EYS: variants seen among roughly 807,000 people sequenced by gnomAD.
EYS encodes protein eyes shut homolog.
In EYS, 250 loss-of-function variants were observed where a neutral mutation model predicts 282.1. The observed-to-expected ratio is 0.89, with a 90% CI of 0.80 to 0.98. The LOEUF (loss-of-function observed/expected upper bound fraction) is 0.98. Ranked by LOEUF, EYS falls within the 50% of genes least tolerant of loss-of-function variation. The pLI is 0.00. For missense variants in EYS, 4,016 were observed against 3,709.0 expected (o/e 1.08, Z -2.15); for synonymous variants, 1,355 against 1,282.9 (o/e 1.06, Z -1.20).
At chr6:64,663,966 G>A in intron 22 of EYS, among the ~76,000 whole-genome samples, 1 of 152,314 alleles carries the variant, frequency 6.6e-6, no homozygotes, top group African/African-American at 2.4e-5. Context: ...GAATAATGGC[G>A]AGCCTCTAGC....
At chr6:64,676,351 T>TATAG (rs1554192088) in intron 22 of EYS, among the ~76,000 whole-genome samples, 9 of 145,460 alleles carry the variant, frequency 6.2e-5, no homozygotes, top group Non-Finnish European at 1.4e-4. Context: ...TATATATATA[T>TATAG]AGAGAGAGAG....
intron 36 of EYS, chr6:63,821,110 T>G (rs1023507743): frequency 6.6e-6 from 1 of 151,860 alleles, no homozygotes; most frequent in South Asian, 2.1e-4. Context: ...TATATAATAT[T>G]ATTAAAGTTT....
intron 33 of EYS, among the ~76,000 whole-genome samples, chr6:64,040,799 G>C (rs1216581325): frequency 2.6e-5 from 4 of 152,148 alleles, no homozygotes; most frequent in African/African-American, 7.2e-5. Context: ...TTCATTATCT[G>C]GCTCTTTAGT....
intron 26 of EYS, among the ~76,000 whole-genome samples, chr6:64,443,876 A>C (rs909776388): frequency 3.3e-5 from 5 of 152,196 alleles, no homozygotes; most frequent in African/African-American, 1.2e-4. Flanking sequence ...TGACCTCATC[A>C]GCAGCATGAA....
At chr6:65,204,943 TTATA>T (rs1765993304) in intron 12 of EYS, among the ~76,000 whole-genome samples, 1 of 125,774 alleles carries the variant, frequency 8.0e-6, no homozygotes, top group Admixed American at 7.7e-5. Context: ...AAGAATATAT[TTATA>T]TATTCTAGAA....
intron 22 of EYS, among the ~76,000 whole-genome samples, chr6:64,719,163 A>G (rs992090000): frequency 1.3e-5 from 2 of 152,160 alleles, no homozygotes; most frequent in Admixed American, 6.5e-5. Flanking sequence ...AACAGTCAGC[A>G]AGGAAAAGGA....
intron 29 of EYS, among the ~76,000 whole-genome samples, chr6:64,371,567 G>A (rs1772374310): frequency 6.6e-6 from 1 of 152,034 alleles, no homozygotes; most frequent in African/African-American, 2.4e-5. Flanking sequence ...AAATATCTTT[G>A]TTAATTTTCT....
At chr6:64,389,132 T>TA (rs1394286885) in intron 28 of EYS, among the ~76,000 whole-genome samples, 1 of 152,210 alleles carries the variant, frequency 6.6e-6, no homozygotes, top group Non-Finnish European at 1.5e-5. Context: ...TGGATTATAA[T>TA]ATTCCATTTT....
At chr6:64,169,641 C>A (rs1483583785) in intron 31 of EYS, among the ~76,000 whole-genome samples, 1 of 152,056 alleles carries the variant, frequency 6.6e-6, no homozygotes, top group Non-Finnish European at 1.5e-5. Flanking sequence ...GATTACTTCT[C>A]ATGGCAAAAG....
chr6:64,128,515 A>T (rs929402302), intron 31 of EYS, among the ~76,000 whole-genome samples: 9 of 152,154 alleles, frequency 5.9e-5, no homozygotes, highest in Non-Finnish European at 1.2e-4. Flanking sequence ...GGCCATGTTT[A>T]TCTCTAATCC....
intron 12 of EYS, among the ~76,000 whole-genome samples, chr6:65,177,771 T>A (rs901574264): frequency 2.6e-5 from 4 of 151,858 alleles, no homozygotes; most frequent in Admixed American, 2.0e-4. Flanking sequence ...GTTAATGATA[T>A]AATTATTTGG....
intron 22 of EYS, among the ~76,000 whole-genome samples, chr6:64,735,615 CT>C (rs1242053524): frequency 1.3e-5 from 2 of 152,098 alleles, no homozygotes; most frequent in African/African-American, 4.8e-5. Flanking sequence ...CTTTCTTAAA[CT>C]GAAAGGAAAA....
chr6:63,922,228 C>T lies in EYS; in HGVS notation c.7056-57870G>A, dbSNP rs78827216. 4.1e-4 allele frequency among the ~76,000 whole-genome samples: 62 copies of T among 152,290 alleles called. 1 individual carries two copies. The East Asian group carries it at 0.011, about 27-fold the overall frequency. On this transcript the variant is annotated intron_variant, in intron 35 of 42. Coordinates refer to ENST00000503581, the MANE Select transcript of EYS (RefSeq NM_001142800.2). ...TTATGGTAACTCAAGCTGGCTAATACATTTAGATTTGTTATTATAGATTAT... is the reference window on the plus strand; with the variant it reads ...TTATGGTAACTCAAGCTGGCTAATATATTTAGATTTGTTATTATAGATTAT...
chr6:65,358,897 C>T (rs1274394891), intron 8 of EYS, among the ~76,000 whole-genome samples: 1 of 151,878 alleles, frequency 6.6e-6, no homozygotes, highest in Non-Finnish European at 1.5e-5. Flanking sequence ...CTTGACAGCC[C>T]ACTCGATGTA....
chr6:64,367,036 A>T (rs991874219), intron 29 of EYS, among the ~76,000 whole-genome samples: 8 of 152,128 alleles, frequency 5.3e-5, no homozygotes, highest in Non-Finnish European at 7.4e-5. Context: ...AAAGATTATC[A>T]AAGTAAAAAA....
chr6:64,310,211 G>A lies in EYS; in HGVS notation c.6079-3129C>T, dbSNP rs113292751. ...AGCCTTAAAGACTGAAATACCACTC[G>A]ACCCAGCAATCCCATCACTGGGTAC... On this transcript the variant is annotated intron_variant, in intron 29 of 42. Transcript: ENST00000503581. 6.9e-3 allele frequency among the ~76,000 whole-genome samples: 1,047 copies of A among 152,116 alleles called. 9 individuals carry two copies. The highest frequency in any genetic ancestry group is 0.029 in the East Asian group (150 of 5,166).
chr6:65,372,968 A>T (rs1765219614), intron 8 of EYS, among the ~76,000 whole-genome samples: 1 of 152,130 alleles, frequency 6.6e-6, no homozygotes, highest in Admixed American at 6.6e-5. Context: ...AATGCATATT[A>T]AAAAAGAAAT....
At chr6:64,735,691 G>A (rs1037300924) in intron 22 of EYS, among the ~76,000 whole-genome samples, 3 of 152,048 alleles carry the variant, frequency 2.0e-5, no homozygotes, top group African/African-American at 7.2e-5. Context: ...TATCAAAAAA[G>A]AAATATTTAC....
intron 7 of EYS, among the ~76,000 whole-genome samples, chr6:65,391,304 C>A (rs1483677433): frequency 1.3e-5 from 2 of 151,910 alleles, no homozygotes; most frequent in Non-Finnish European, 2.9e-5. Flanking sequence ...CAACAATGTC[C>A]TAGATATTTT....
Sources: allele counts gnomAD v4.1 joint callset (sites outside exome capture counted in the v4.1 genomes callset), GRCh38; gene constraint gnomAD v4.1.1; transcripts MANE v1.5; gene names NCBI Gene and HGNC (gene_info 2026-07-23, HGNC 2026-07-21).